Variants in VPS13B observed in about 807,000 individuals in gnomAD.
VPS13B encodes the protein intermembrane lipid transfer protein VPS13B.
In VPS13B, 285 loss-of-function variants were observed where a neutral mutation model predicts 426.4. The observed-to-expected ratio is 0.67, with a 90% CI of 0.61 to 0.74. VPS13B has a LOEUF of 0.74. Among genes scored for constraint, VPS13B ranks in the 30% least tolerant of loss-of-function variants. The probability of loss-of-function intolerance (pLI) is 0.00; values close to 1 mark genes in which losing one functional copy is unlikely to be tolerated. For missense variants in VPS13B, 4,537 were observed against 4,782.6 expected (o/e 0.95, Z 1.51); for synonymous variants, 1,676 against 1,676.4 (o/e 1.00, Z 0.01).
intron 58 of VPS13B, among the ~76,000 whole-genome samples, chr8:99,865,594 T>C (rs1446984814): frequency 6.6e-6 from 1 of 152,188 alleles, no homozygotes; most frequent in East Asian, 1.9e-4. Context: ...CCATCTGCCA[T>C]TAGCAGACTG....
chr8:99,859,200 C>A, intron 56 of VPS13B, 104 bp from the exon 57 acceptor site: 1 of 1,380,176 alleles, frequency 7.2e-7, no homozygotes, highest in Non-Finnish European at 1.0e-6. Context: ...TTTCCCAATT[C>A]TAGTGTGAAA....
At chr8:99,424,655 G>T (rs945336224) in intron 21 of VPS13B, 1 of 151,966 alleles carries the variant, frequency 6.6e-6, no homozygotes, top group South Asian at 2.1e-4. Context: ...AAGAACTAGA[G>T]AAGCAAGAGC....
In VPS13B at chr8:99,313,886, C is replaced by T. The variant is rs1047732065; in HGVS notation, c.2824+38632C>T. Reference sequence around the variant, plus strand: ...GCAATGGTGGGTGCCCCTCCCCCACCCTTGCTGCCATCTTGCAGATGGATT... The same window carrying T: ...GCAATGGTGGGTGCCCCTCCCCCACTCTTGCTGCCATCTTGCAGATGGATT... On this transcript the variant is annotated intron_variant, in intron 19 of 61. Transcript: ENST00000357162. 7.9e-5 allele frequency among the ~76,000 whole-genome samples: 12 copies of T among 152,112 alleles called. 1 individual carries two copies. The highest frequency in any genetic ancestry group is 3.3e-4 in the Admixed American group (5 of 15,278).
At chr8:99,140,703 C>CCTT (rs1044047784) in intron 12 of VPS13B, among the ~76,000 whole-genome samples, 1 of 147,652 alleles carries the variant, frequency 6.8e-6, no homozygotes, top group Non-Finnish European at 1.5e-5. Context: ...TCCTCCTCCT[C>CCTT]CTTCTCCTTC....
chr8:99,087,839 A>C (rs984076119), intron 3 of VPS13B, among the ~76,000 whole-genome samples: 5 of 152,026 alleles, frequency 3.3e-5, no homozygotes, highest in African/African-American at 1.2e-4. Context: ...TTTCCTGTGC[A>C]CATATATAAT....
intron 19 of VPS13B, among the ~76,000 whole-genome samples, chr8:99,360,164 T>TTCTTTCTC (rs1812446098): frequency 2.5e-5 from 1 of 39,588 alleles, no homozygotes; most frequent in African/African-American, 1.2e-4. Flanking sequence ...CTTTCTTTCT[T>TTCTTTCTC]TCTTTCTTTC....
chr8:99,679,875 G>A (rs991156359), intron 35 of VPS13B, among the ~76,000 whole-genome samples: 1 of 151,880 alleles, frequency 6.6e-6, no homozygotes, highest in Non-Finnish European at 1.5e-5. Flanking sequence ...CTGAATAAGA[G>A]AAAAAAATAT....
chr8:99,776,861 G>C lies in VPS13B; in HGVS notation c.7334G>C (p.Cys2445Ser), dbSNP rs926240307. The change falls in exon 41 of 62, where the codon TGC becomes TCC. Residue 2445 changes from cysteine (C) to serine (S), a missense_variant. Cys to Ser is a moderately radical substitution (Grantham distance 112). Transcript: ENST00000357162. ...ALAACTRVDS[C>S]FTPWFVPSLC... ...GCTGCCTGTACCAGAGTTGACTCCT[G>C]CTTTACCCCATGGTTTGTCCCATCC... 6.2e-7 allele frequency: 1 copy of C among 1,614,044 alleles called. No individual in the cohort carries two copies. Among genetic ancestry groups the C allele is most frequent in the Non-Finnish European group, 8.5e-7 (1 of 1,179,978 alleles).
chr8:99,424,759 A>C (rs1311691080), intron 21 of VPS13B, among the ~76,000 whole-genome samples: 1 of 152,220 alleles, frequency 6.6e-6, no homozygotes, highest in Non-Finnish European at 1.5e-5. Flanking sequence ...ACGCTTCAAA[A>C]AAATCAATGA....
intron 24 of VPS13B, 95 bp from the exon 25 acceptor site, chr8:99,481,504 C>T (rs1440224954): frequency 7.4e-7 from 1 of 1,346,042 alleles, no homozygotes; most frequent in East Asian, 2.3e-5. Flanking sequence ...AATTTTATTT[C>T]TCTGGAATAG....
At chr8:99,598,355 T>A (rs1827120421) in intron 33 of VPS13B, among the ~76,000 whole-genome samples, 1 of 152,134 alleles carries the variant, frequency 6.6e-6, no homozygotes, top group South Asian at 2.1e-4. Flanking sequence ...ATCTGTACTA[T>A]GTAGTATCAC....
intron 33 of VPS13B, among the ~76,000 whole-genome samples, chr8:99,638,091 TA>T (rs1449155395): frequency 6.6e-6 from 1 of 152,154 alleles, no homozygotes; most frequent in African/African-American, 2.4e-5. Flanking sequence ...ATAATAAGGA[TA>T]ACTAAAATGA....
At chr8:99,851,247 A>G (rs966099291) in intron 55 of VPS13B, among the ~76,000 whole-genome samples, 4 of 152,216 alleles carry the variant, frequency 2.6e-5, no homozygotes, top group Non-Finnish European at 5.9e-5. Context: ...TCATTCATTC[A>G]TTCAACAAAT....
intron 24 of VPS13B, among the ~76,000 whole-genome samples, chr8:99,474,679 A>G (rs1459995750): frequency 6.6e-6 from 1 of 152,164 alleles, no homozygotes; most frequent in Non-Finnish European, 1.5e-5. Context: ...CACCTATTAG[A>G]CTGGCTAAAA....
chr8:99,736,020 G>T (rs1047369983), intron 39 of VPS13B, among the ~76,000 whole-genome samples: 1 of 152,164 alleles, frequency 6.6e-6, no homozygotes. Flanking sequence ...ACACTGTTAA[G>T]TTCCATAGCA....
intron 3 of VPS13B, among the ~76,000 whole-genome samples, chr8:99,041,636 G>C (rs774868905): frequency 6.6e-6 from 1 of 152,050 alleles, no homozygotes; most frequent in Non-Finnish European, 1.5e-5. Context: ...GGTGGATCAC[G>C]AGGTCAGGAG....
intron 21 of VPS13B, among the ~76,000 whole-genome samples, chr8:99,418,496 TTTCTTTCTTTC>T (rs1285033566): frequency 2.0e-5 from 3 of 147,694 alleles, no homozygotes; most frequent in African/African-American, 5.1e-5. Flanking sequence ...TCTTTCTTTC[TTTCTTTCTTTC>T]TTTCTTTCCT....
intron 51 of VPS13B, among the ~76,000 whole-genome samples, chr8:99,825,792 A>G (rs1041093059): frequency 6.6e-6 from 1 of 152,224 alleles, no homozygotes; most frequent in Non-Finnish European, 1.5e-5. Flanking sequence ...GCATATGGCT[A>G]GCGAGTTTTC....
intron 19 of VPS13B, among the ~76,000 whole-genome samples, chr8:99,285,838 A>T (rs190695750): frequency 6.6e-6 from 1 of 152,100 alleles, no homozygotes; most frequent in Non-Finnish European, 1.5e-5. Flanking sequence ...ACCTCATTCT[A>T]CTGACAGCCT....
Sources: gnomAD v4.1 joint callset for allele counts (sites outside exome capture counted in the v4.1 genomes callset) on GRCh38, gnomAD v4.1.1 for gene constraint, MANE v1.5 for transcripts, NCBI Gene and HGNC (gene_info 2026-07-23, HGNC 2026-07-21) for gene names.